CTNND2: variants seen among roughly 807,000 people sequenced by gnomAD.
CTNND2 encodes the protein catenin delta-2.
CTNND2 carries 22 observed loss-of-function variants against 144.4 expected under a neutral mutation model. That is an observed-to-expected ratio of 0.15 (90% CI 0.11 to 0.22). The LOEUF (loss-of-function observed/expected upper bound fraction) is 0.22, where lower values mean the gene tolerates loss of function less well. Ranked by LOEUF, CTNND2 falls within the 10% of genes least tolerant of loss-of-function variation. CTNND2 has a pLI of 1.00. For missense variants in CTNND2, 1,353 were observed against 1,618.8 expected, an observed-to-expected ratio of 0.84 and a Z score of 2.82; for synonymous variants, 751 against 695.6, an observed-to-expected ratio of 1.08 and a Z score of -1.25.
intron 10 of CTNND2, among the ~76,000 whole-genome samples, chr5:11,208,420 A>C (rs888170914): frequency 6.6e-6 from 1 of 152,206 alleles, no homozygotes; most frequent in Non-Finnish European, 1.5e-5. Flanking sequence ...TGGAAAGATG[A>C]ACATATTCTA....
At chr5:11,553,812 G>A (rs1443098067) in intron 3 of CTNND2, among the ~76,000 whole-genome samples, 2 of 152,062 alleles carry the variant, frequency 1.3e-5, no homozygotes, top group African/African-American at 2.4e-5. Flanking sequence ...GTTAGTTTTT[G>A]TAAAACATCT....
chr5:11,102,419 G>A (rs1751989082), intron 14 of CTNND2, among the ~76,000 whole-genome samples: 1 of 152,158 alleles, frequency 6.6e-6, no homozygotes, highest in African/African-American at 2.4e-5. Context: ...CAGAGTGTTT[G>A]AAAACTGAGT....
chr5:11,760,135 A>T (rs1341408589), intron 1 of CTNND2, among the ~76,000 whole-genome samples: 2 of 151,718 alleles, frequency 1.3e-5, no homozygotes, highest in Non-Finnish European at 2.9e-5. Context: ...TAGCAATTGG[A>T]TCTAAAGCAT....
At chr5:11,854,152 T>C (rs1795147426) in intron 1 of CTNND2, among the ~76,000 whole-genome samples, 1 of 152,338 alleles carries the variant, frequency 6.6e-6, no homozygotes, top group Admixed American at 6.5e-5. Context: ...GGGTGGCCCG[T>C]TGTGCTCACT....
At chr5:11,305,879 C>T (rs28863) in intron 9 of CTNND2, among the ~76,000 whole-genome samples, 43,742 of 151,992 alleles carry the variant, frequency 0.29, 7,039 homozygotes, top group Middle Eastern at 0.44. Flanking sequence ...AGGGATGGCC[C>T]CCGAGGAAGG....
intron 19 of CTNND2, among the ~76,000 whole-genome samples, chr5:10,989,044 G>T (rs1040748763): frequency 6.6e-6 from 1 of 152,186 alleles, no homozygotes; most frequent in African/African-American, 2.4e-5. Flanking sequence ...GAAATTCCAG[G>T]AGTCCTTAAA....
At chr5:11,376,575 C>A (rs1319207245) in intron 7 of CTNND2, among the ~76,000 whole-genome samples, 1 of 152,072 alleles carries the variant, frequency 6.6e-6, no homozygotes, top group East Asian at 1.9e-4. Context: ...GAAGGCAGGG[C>A]ATTCAGACTG....
At chr5:11,705,669 C>A (rs1405766942) in intron 2 of CTNND2, among the ~76,000 whole-genome samples, 2 of 152,138 alleles carry the variant, frequency 1.3e-5, no homozygotes, top group East Asian at 3.9e-4. Flanking sequence ...GTGAACATCC[C>A]TTCAGGGAAG....
intron 2 of CTNND2, among the ~76,000 whole-genome samples, chr5:11,721,662 G>A (rs961188179): frequency 1.3e-5 from 2 of 152,238 alleles, no homozygotes; most frequent in Non-Finnish European, 2.9e-5. Context: ...TGCTAAGTCA[G>A]TGCTGGCATC....
At chr5:11,734,242 G>A (rs1030406169) in intron 1 of CTNND2, among the ~76,000 whole-genome samples, 2 of 152,100 alleles carry the variant, frequency 1.3e-5, no homozygotes, top group Non-Finnish European at 2.9e-5. Context: ...ACCTTGTATC[G>A]CCACCTCTCT....
At chr5:11,715,312 G>A (rs115545624) in intron 2 of CTNND2, among the ~76,000 whole-genome samples, 244 of 152,180 alleles carry the variant, frequency 1.6e-3, no homozygotes, top group African/African-American at 5.2e-3. Flanking sequence ...TCAGGTTGTC[G>A]CTGCTTTATT....
At chr5:11,240,861 TCAG>T (rs1742334696) in intron 9 of CTNND2, among the ~76,000 whole-genome samples, 1 of 74,474 alleles carries the variant, frequency 1.3e-5, no homozygotes, top group Non-Finnish European at 2.5e-5. Context: ...ACACATACAC[TCAG>T]CACACACACC....
intron 11 of CTNND2, among the ~76,000 whole-genome samples, chr5:11,165,734 T>C (rs1255169514): frequency 6.6e-6 from 1 of 152,232 alleles, no homozygotes; most frequent in Non-Finnish European, 1.5e-5. Context: ...TTTTCCTTGA[T>C]ATTATCCATA....
intron 18 of CTNND2, among the ~76,000 whole-genome samples, chr5:11,012,239 G>T (rs966452340): frequency 6.6e-6 from 1 of 152,076 alleles, no homozygotes; most frequent in Non-Finnish European, 1.5e-5. Context: ...ACCAAGGGAG[G>T]GGGTGGGATT....
chr5:11,664,369 G>T (rs578177726), intron 2 of CTNND2, among the ~76,000 whole-genome samples: 1 of 152,244 alleles, frequency 6.6e-6, no homozygotes, highest in African/African-American at 2.4e-5. Flanking sequence ...AAGGCCAGCG[G>T]ATCACGAGGT....
intron 12 of CTNND2, among the ~76,000 whole-genome samples, chr5:11,149,904 T>G (rs1416175481): frequency 2.0e-5 from 3 of 152,162 alleles, no homozygotes; most frequent in Non-Finnish European, 4.4e-5. Flanking sequence ...TTTAGAAAAT[T>G]TTGTAGTGGG....
chr5:11,599,425 T>C (rs1201169493), intron 2 of CTNND2, among the ~76,000 whole-genome samples: 1 of 152,232 alleles, frequency 6.6e-6, no homozygotes, highest in African/African-American at 2.4e-5. Context: ...AACTTTTCTG[T>C]AGTTATAAAT....
chr5:11,119,109 C>T (rs61753313), intron 12 of CTNND2, among the ~76,000 whole-genome samples: 5 of 152,134 alleles, frequency 3.3e-5, no homozygotes, highest in Non-Finnish European at 7.4e-5. Context: ...ACCTAGCATT[C>T]AGCTGAGGAG....
chr5:11,371,154 C>T (rs1415640825), intron 7 of CTNND2, among the ~76,000 whole-genome samples: 1 of 152,152 alleles, frequency 6.6e-6, no homozygotes, highest in Non-Finnish European at 1.5e-5. Context: ...GTCAGCATCG[C>T]TAGGCAACAT....
Sources: gnomAD v4.1 joint callset for allele counts (sites outside exome capture counted in the v4.1 genomes callset) on GRCh38, gnomAD v4.1.1 for gene constraint, MANE v1.5 for transcripts, NCBI Gene and HGNC (gene_info 2026-07-23, HGNC 2026-07-21) for gene names.